PXDNL: variants seen among roughly 807,000 people sequenced by gnomAD.
PXDNL encodes probable oxidoreductase PXDNL.
In PXDNL, 145 loss-of-function variants were observed where a neutral mutation model predicts 150.8. The observed-to-expected ratio is 0.96, with a 90% CI of 0.84 to 1.10. The LOEUF is 1.10. Ranked by LOEUF, PXDNL falls within the 50% of genes least tolerant of loss-of-function variation. The pLI is 0.00. For synonymous variants in PXDNL, 757 were observed against 725.7 expected (o/e 1.04, Z -0.69); for missense variants, 2,087 against 1,873.9 (o/e 1.11, Z -2.10).
chr8:51,572,332 A>G (rs7838285), intron 3 of PXDNL, among the ~76,000 whole-genome samples: 10,766 of 151,954 alleles, frequency 0.071, 978 homozygotes, highest in African/African-American at 0.22. Flanking sequence ...GAACAGATAT[A>G]CCACACTTAA....
At chr8:51,356,201 A>G (rs1020556343) in intron 19 of PXDNL, among the ~76,000 whole-genome samples, 2 of 152,202 alleles carry the variant, frequency 1.3e-5, no homozygotes, top group African/African-American at 4.8e-5. Flanking sequence ...TCAAAAATCT[A>G]TAACTGGCTG....
intron 1 of PXDNL, among the ~76,000 whole-genome samples, chr8:51,752,728 G>C (rs1377222672): frequency 6.6e-6 from 1 of 152,148 alleles, no homozygotes; most frequent in East Asian, 1.9e-4. Flanking sequence ...TGCCTTTAGT[G>C]ATATTTGTAT....
At chr8:51,403,990 G>A (rs1375939038) in intron 17 of PXDNL, among the ~76,000 whole-genome samples, 7 of 152,184 alleles carry the variant, frequency 4.6e-5, no homozygotes, top group East Asian at 3.9e-4. Flanking sequence ...CTTCAAGAGT[G>A]AAATTGCAGA....
intron 12 of PXDNL, among the ~76,000 whole-genome samples, chr8:51,429,662 C>T (rs1468403301): frequency 6.7e-6 from 1 of 148,188 alleles, no homozygotes; most frequent in Non-Finnish European, 1.5e-5. Context: ...ACCAAACTGT[C>T]TTCCTCGTGT....
At chr8:51,538,496 T>G (rs765017610) in intron 4 of PXDNL, among the ~76,000 whole-genome samples, 10 of 152,164 alleles carry the variant, frequency 6.6e-5, no homozygotes, top group Non-Finnish European at 1.5e-4. Flanking sequence ...CCGGGTGCAG[T>G]GGCTCACGCC....
intron 2 of PXDNL, among the ~76,000 whole-genome samples, chr8:51,621,427 A>C (rs1814248511): frequency 6.8e-6 from 1 of 147,424 alleles, no homozygotes; most frequent in South Asian, 2.1e-4. Context: ...TAACATTACA[A>C]AAGAATGAGT....
At chr8:51,608,815 T>C (rs552639098) in intron 2 of PXDNL, among the ~76,000 whole-genome samples, 96 of 114,536 alleles carry the variant, frequency 8.4e-4, no homozygotes, top group Non-Finnish European at 1.3e-3. Flanking sequence ...CCAGCCTAGG[T>C]GACAGAGCAA....
chr8:51,689,724 G>C (rs1815949542), intron 1 of PXDNL, among the ~76,000 whole-genome samples: 1 of 152,148 alleles, frequency 6.6e-6, no homozygotes, highest in African/African-American at 2.4e-5. Flanking sequence ...TAGCAACTTT[G>C]ATTCCGGTAA....
At chr8:51,374,340 C>A (rs1807231893) in intron 18 of PXDNL, among the ~76,000 whole-genome samples, 1 of 152,206 alleles carries the variant, frequency 6.6e-6, no homozygotes, top group Non-Finnish European at 1.5e-5. Flanking sequence ...GTCCATCTAG[C>A]CTTCATCCTC....
chr8:51,448,227 G>T (rs1043296500), intron 11 of PXDNL, among the ~76,000 whole-genome samples: 1 of 152,224 alleles, frequency 6.6e-6, no homozygotes, highest in Non-Finnish European at 1.5e-5. Context: ...CAGATTCCCT[G>T]TAAGTGTCTG....
intron 1 of PXDNL, among the ~76,000 whole-genome samples, chr8:51,762,045 A>G (rs146279942): frequency 1.3e-5 from 2 of 152,336 alleles, no homozygotes; most frequent in African/African-American, 4.8e-5. Flanking sequence ...CTCTGCTTTT[A>G]AGATTTATTT....
chr8:51,492,655 G>A (rs979165161), intron 5 of PXDNL, among the ~76,000 whole-genome samples: 56 of 152,170 alleles, frequency 3.7e-4, no homozygotes, highest in Admixed American at 2.9e-3. Context: ...TGGCTCGGAG[G>A]GTCCTACGCC....
chr8:51,756,094 TA>T (rs1411679926), intron 1 of PXDNL, among the ~76,000 whole-genome samples: 4 of 151,828 alleles, frequency 2.6e-5, no homozygotes, highest in East Asian at 1.9e-4. Flanking sequence ...CACCATCTCT[TA>T]AAAAAAATCT....
At chr8:51,349,262 G>T (rs1175644559) in intron 19 of PXDNL, among the ~76,000 whole-genome samples, 1 of 152,068 alleles carries the variant, frequency 6.6e-6, no homozygotes, top group Non-Finnish European at 1.5e-5. Context: ...CTTTGTGAAT[G>T]GTGACCTAGA....
chr8:51,735,535 T>TA lies in PXDNL; in HGVS notation c.164+73645_164+73646insT, dbSNP rs374582450. ...TAATTAATTAAAAATTGTTTTTTTT[T>TA]TTTTTTTTTTTTTTTTTTTTTTTTT... On this transcript the variant is annotated intron_variant, in intron 1 of 22. Transcript: ENST00000356297. Among the ~76,000 whole-genome samples, 2 of 120,124 alleles carry TA rather than the reference T, an allele frequency of 1.7e-5. 1 individual carries two copies. The highest frequency in any genetic ancestry group is 3.3e-5 in the Non-Finnish European group (2 of 61,246). 78.8% of individuals were successfully genotyped at this position (120,124 alleles called of 152,430 possible). A position where few individuals can be genotyped will look rare whatever the true frequency, so the allele number is the denominator to read the frequency against.
intron 2 of PXDNL, among the ~76,000 whole-genome samples, chr8:51,608,361 C>A (rs2130706210): frequency 7.3e-6 from 1 of 136,960 alleles, no homozygotes; most frequent in South Asian, 2.2e-4. Flanking sequence ...TGCACTCCAG[C>A]CTCAGCGACA....
intron 18 of PXDNL, among the ~76,000 whole-genome samples, chr8:51,372,431 T>C (rs1427699500): frequency 1.3e-5 from 2 of 152,310 alleles, no homozygotes; most frequent in East Asian, 3.9e-4. Flanking sequence ...GTAGCCCAGG[T>C]TGGAGTGCAG....
intron 1 of PXDNL, among the ~76,000 whole-genome samples, chr8:51,773,589 C>T (rs1219249699): frequency 6.6e-6 from 1 of 152,204 alleles, no homozygotes; most frequent in East Asian, 1.9e-4. Flanking sequence ...TCCCAAGCTT[C>T]CATCTCAGGA....
intron 5 of PXDNL, among the ~76,000 whole-genome samples, chr8:51,497,939 C>T (rs1249038044): frequency 1.3e-5 from 2 of 152,096 alleles, no homozygotes; most frequent in African/African-American, 4.8e-5. Context: ...GGGTATATAC[C>T]CAAAGGATTA....
Sources: gnomAD v4.1 joint callset for allele counts (sites outside exome capture counted in the v4.1 genomes callset) on GRCh38, gnomAD v4.1.1 for gene constraint, MANE v1.5 for transcripts, NCBI Gene and HGNC (gene_info 2026-07-23, HGNC 2026-07-21) for gene names.